The following PTPN5 variants were observed in gnomAD, a reference collection of about 807,000 sequenced individuals.
PTPN5 encodes the protein protein tyrosine phosphatase non-receptor type 5.
A neutral mutation model predicts 73.9 loss-of-function variants in PTPN5; 29 were observed. The ratio of observed to expected loss-of-function variants is 0.39; its 90% CI spans 0.29 to 0.54. The LOEUF is 0.54. Among genes scored for constraint, PTPN5 ranks in the 20% least tolerant of loss-of-function variants. The pLI, the probability that PTPN5 is intolerant of heterozygous loss-of-function variation, is 0.65. For missense variants in PTPN5, 652 were observed against 751.4 expected (o/e 0.87, Z 1.55); for synonymous variants, 267 against 304.7 (o/e 0.88, Z 1.29).
At position 18,791,026 on chromosome 11, in the gene PTPN5, C is replaced by T. The variant is rs527796517; in HGVS notation, c.-114+499G>A. On this transcript the variant is annotated intron_variant, in intron 1 of 14. Coordinates refer to ENST00000358540, the MANE Select transcript of PTPN5 (RefSeq NM_006906.2). Reference sequence around the variant, plus strand: ...CAAGCAGCATGCTGGGGGAGGGGAGCGCGCTAAGCTTGTATTCTAGGGGAG... The same window carrying T: ...CAAGCAGCATGCTGGGGGAGGGGAGTGCGCTAAGCTTGTATTCTAGGGGAG... 1.1e-4 allele frequency among the ~76,000 whole-genome samples: 17 copies of T among 152,144 alleles called. No individual in the cohort carries two copies. The South Asian group carries it at 2.1e-3, about 19-fold the overall frequency.
At chr11:18,791,249 T>C (rs1851909549) in intron 1 of PTPN5, among the ~76,000 whole-genome samples, 1 of 152,126 alleles carries the variant, frequency 6.6e-6, no homozygotes, top group South Asian at 2.1e-4. Flanking sequence ...CAAACCACTA[T>C]CCCGATTCCT....
intron 2 of PTPN5, among the ~76,000 whole-genome samples, chr11:18,768,323 G>A (rs1321883519): frequency 2.6e-5 from 4 of 152,212 alleles, no homozygotes; most frequent in African/African-American, 9.7e-5. Context: ...CTGAGCCAGA[G>A]AATGGGGTCT....
chr11:18,779,473 T>C (rs1309647250), intron 1 of PTPN5, among the ~76,000 whole-genome samples: 3 of 152,200 alleles, frequency 2.0e-5, no homozygotes, highest in Non-Finnish European at 4.4e-5. Flanking sequence ...GCTGCAGACC[T>C]ACCATATGCC....
chr11:18,768,756 C>T (rs1850746226), intron 2 of PTPN5, among the ~76,000 whole-genome samples: 1 of 152,200 alleles, frequency 6.6e-6, no homozygotes, highest in Admixed American at 6.5e-5. Context: ...CCAGGCAACC[C>T]CAGCCACAGC....
intron 3 of PTPN5, among the ~76,000 whole-genome samples, chr11:18,748,965 A>G (rs1328689687): frequency 6.6e-6 from 1 of 152,174 alleles, no homozygotes; most frequent in Non-Finnish European, 1.5e-5. Context: ...GCTCCTAGAA[A>G]TGACGTCAGC....
intron 2 of PTPN5, 114 bp downstream of exon 2, chr11:18,771,825 G>A: frequency 1.2e-6 from 1 of 849,424 alleles, no homozygotes; most frequent in South Asian, 1.6e-5. Context: ...GAAAAGGAAT[G>A]ATCAGGCTGA....
Position 18,790,067 on chromosome 11 carries a change from G to A in PTPN5, c.-114+1458C>T, listed in dbSNP as rs1008628466. On this transcript the variant is annotated intron_variant, in intron 1 of 14. Coordinates refer to ENST00000358540, the MANE Select transcript of PTPN5 (RefSeq NM_006906.2). ...GACTGACTCCATCCCTTCACCATCC[G>A]TCTATGCTTGTACTCCTTCAACACA... Among the ~76,000 whole-genome samples the A allele has an allele frequency of 3.3e-5, 5 of 151,792 alleles. No homozygotes were observed. In the South Asian group the frequency reaches 6.3e-4, roughly 19 times the overall value.
rs1038158819 is a variant in PTPN5, at chr11:18,791,685, CGTCCGTCCTTCGGTGCCTCCGTCCTTCG to C, written c.-302_-275del. On this transcript the variant is annotated 5_prime_UTR_variant, in exon 1 of 15. Transcript: ENST00000358540. ...CTCTGTGCGTCTGCGTGTGCGGGGG[CGTCCGTCCTTCGGTGCCTCCGTCCTTCG>C]GTCCGTCCGCCTGGCGCTCCGTCCC... 1.3e-5 allele frequency: 2 copies of C among 152,278 alleles called. No individual in the cohort carries two copies. The highest frequency in any genetic ancestry group is 4.8e-5 in the African/African-American group (2 of 41,436). 9.4% of individuals were successfully genotyped at this position (152,278 alleles called of 1,614,324 possible).
rs370423840 is a variant in PTPN5, at chr11:18,772,609, C to T, written c.-113-538G>A. ...TCTGAGTGGGAGAAGTGGGTGCGGG[C>T]ATGGCAGGGACCCCAGGGAAGGGAA... On this transcript the variant is annotated intron_variant, in intron 1 of 14. Coordinates refer to ENST00000358540, the MANE Select transcript of PTPN5 (RefSeq NM_006906.2). Among the ~76,000 whole-genome samples the T allele has an allele frequency of 5.9e-5, 9 of 152,278 alleles. No homozygotes were observed. In the East Asian group the frequency reaches 1.7e-3, roughly 29 times the overall value.
At chr11:18,743,120 A>C (rs1200564219) in intron 5 of PTPN5, 45 bp from the exon 6 acceptor site, 49 of 1,380,660 alleles carry the variant, frequency 3.5e-5, no homozygotes, top group Non-Finnish European at 4.8e-5. Context: ...GTGGGGGCAG[A>C]GTTCTCAGCT....
At chr11:18,776,556 A>G (rs991987120) in intron 1 of PTPN5, among the ~76,000 whole-genome samples, 12 of 152,118 alleles carry the variant, frequency 7.9e-5, no homozygotes, top group Admixed American at 2.6e-4. Context: ...CGTGCCAAGC[A>G]CTGCACACGT....
At chr11:18,773,897 C>T (rs760075942) in intron 1 of PTPN5, among the ~76,000 whole-genome samples, 16 of 152,154 alleles carry the variant, frequency 1.1e-4, no homozygotes, top group African/African-American at 2.2e-4. Flanking sequence ...GATTTCAGAC[C>T]GTAACTGCCT....
At chr11:18,775,010 A>C (rs894364282) in intron 1 of PTPN5, among the ~76,000 whole-genome samples, 10 of 152,236 alleles carry the variant, frequency 6.6e-5, no homozygotes, top group African/African-American at 2.2e-4. Context: ...AGCTGTCACT[A>C]CTGCACCCGG....
intron 1 of PTPN5, among the ~76,000 whole-genome samples, chr11:18,779,435 C>T (rs1851320620): frequency 6.6e-6 from 1 of 152,110 alleles, no homozygotes; most frequent in Non-Finnish European, 1.5e-5. Flanking sequence ...GGAGCCTGAC[C>T]TCTTGAATTC....
At chr11:18,781,010 C>A (rs143650736) in intron 1 of PTPN5, among the ~76,000 whole-genome samples, 45 of 152,262 alleles carry the variant, frequency 3.0e-4, no homozygotes, top group African/African-American at 9.9e-4. Context: ...ATCCAGGTGG[C>A]CTTGAATCAT....
At chr11:18,758,789 G>A (rs937315610) in intron 3 of PTPN5, among the ~76,000 whole-genome samples, 13 of 152,132 alleles carry the variant, frequency 8.5e-5, no homozygotes, top group Non-Finnish European at 1.3e-4. Flanking sequence ...TTAGGAGTAC[G>A]ATGGATGTCC....
chr11:18,776,455 C>G (rs1257287567), intron 1 of PTPN5, among the ~76,000 whole-genome samples: 1 of 152,160 alleles, frequency 6.6e-6, no homozygotes, highest in South Asian at 2.1e-4. Context: ...ATGCCAGTCT[C>G]CCAGCCTCAC....
At chr11:18,750,032 C>A (rs1849815607) in intron 3 of PTPN5, among the ~76,000 whole-genome samples, 1 of 152,158 alleles carries the variant, frequency 6.6e-6, no homozygotes, top group South Asian at 2.1e-4. Context: ...GCTGTCAGAG[C>A]CTGATGGGCC....
intron 4 of PTPN5, 167 bp downstream of exon 4, chr11:18,743,832 CTCAGAAT>C (rs1849488246): frequency 1.4e-6 from 1 of 723,238 alleles, no homozygotes. Flanking sequence ...GGTGCGGTAG[CTCAGAAT>C]TCCAGCCTTC....
Sources: allele counts gnomAD v4.1 joint callset (sites outside exome capture counted in the v4.1 genomes callset), GRCh38; gene constraint gnomAD v4.1.1; transcripts MANE v1.5; gene names NCBI Gene and HGNC (gene_info 2026-07-23, HGNC 2026-07-21).